Variants in ASIC2 observed in about 807,000 individuals in gnomAD.
The protein encoded by ASIC2 is acid-sensing ion channel 2.
In ASIC2, 25 loss-of-function variants were observed where a neutral mutation model predicts 57.3. The ratio of observed to expected loss-of-function variants is 0.44; its 90% CI spans 0.32 to 0.61. ASIC2 has a LOEUF of 0.61. Among genes scored for constraint, ASIC2 ranks in the 20% least tolerant of loss-of-function variants. The pLI is 0.06. For missense variants in ASIC2, 641 were observed against 738.1 expected, an observed-to-expected ratio of 0.87 and a Z score of 1.52; for synonymous variants, 319 against 307.5, an observed-to-expected ratio of 1.04 and a Z score of -0.39.
chr17:33,221,070 C>CA (rs1475136855), intron 1 of ASIC2, among the ~76,000 whole-genome samples: 10 of 151,540 alleles, frequency 6.6e-5, no homozygotes, highest in East Asian at 3.9e-4. Context: ...GAACTTGTCT[C>CA]AAAAAAAATA....
At chr17:33,102,547 G>A (rs866431451) in intron 2 of ASIC2, among the ~76,000 whole-genome samples, 1 of 152,002 alleles carries the variant, frequency 6.6e-6, no homozygotes, top group Admixed American at 6.6e-5. Flanking sequence ...TGTTATATTA[G>A]TCCTTTGACA....
chr17:34,110,670 G>A (rs1310499078), intron 1 of ASIC2, among the ~76,000 whole-genome samples: 2 of 152,194 alleles, frequency 1.3e-5, no homozygotes, highest in African/African-American at 2.4e-5. Context: ...CGGTTAGGAA[G>A]GCTTTGCAAT....
At chr17:34,083,511 G>T (rs1341316195) in intron 1 of ASIC2, among the ~76,000 whole-genome samples, 2 of 151,860 alleles carry the variant, frequency 1.3e-5, no homozygotes, top group African/African-American at 4.8e-5. Flanking sequence ...ATAGCAGCAT[G>T]ATTTATAGTC....
At chr17:34,113,076 C>G (rs2189330) in intron 1 of ASIC2, among the ~76,000 whole-genome samples, 122,184 of 152,032 alleles carry the variant, frequency 0.8, 49,835 homozygotes, top group African/African-American at 0.95. Context: ...ACAGTATCTT[C>G]ACTGTGGAAT....
intron 1 of ASIC2, among the ~76,000 whole-genome samples, chr17:33,331,594 T>G (rs1907313652): frequency 6.6e-6 from 1 of 152,244 alleles, no homozygotes; most frequent in Non-Finnish European, 1.5e-5. Flanking sequence ...GGGCCTGCAC[T>G]TCTGCACAGG....
chr17:33,455,601 C>G (rs907447250), intron 1 of ASIC2, among the ~76,000 whole-genome samples: 4 of 152,230 alleles, frequency 2.6e-5, no homozygotes, highest in African/African-American at 9.6e-5. Context: ...CATTGATGGG[C>G]ACCTAGTGTG....
intron 3 of ASIC2, among the ~76,000 whole-genome samples, chr17:33,080,613 TAAAC>T (rs991520060): frequency 6.6e-6 from 1 of 151,980 alleles, no homozygotes; most frequent in African/African-American, 2.4e-5. Context: ...CAGTAAGAGA[TAAAC>T]AAAAATAACT....
At chr17:33,322,333 A>C (rs1369832618) in intron 1 of ASIC2, among the ~76,000 whole-genome samples, 1 of 152,174 alleles carries the variant, frequency 6.6e-6, no homozygotes, top group Non-Finnish European at 1.5e-5. Flanking sequence ...AAATATTGCC[A>C]AAATCCAGCC....
At chr17:33,951,464 C>A (rs548983958) in intron 1 of ASIC2, among the ~76,000 whole-genome samples, 1 of 152,220 alleles carries the variant, frequency 6.6e-6, no homozygotes, top group African/African-American at 2.4e-5. Context: ...GCTCTGTGGC[C>A]AATTTCCATT....
chr17:33,520,864 T>C (rs1286687440), intron 1 of ASIC2, among the ~76,000 whole-genome samples: 1 of 152,144 alleles, frequency 6.6e-6, no homozygotes, highest in African/African-American at 2.4e-5. Flanking sequence ...AAATTGACAT[T>C]CAGGCCCTGG....
chr17:33,673,897 C>CTTTTTTTTTTTTTTTTTTTTTTTTTT (rs574986885), intron 1 of ASIC2, among the ~76,000 whole-genome samples: 3 of 141,134 alleles, frequency 2.1e-5, no homozygotes, highest in Admixed American at 7.0e-5. Flanking sequence ...GCATCCGTGT[C>CTTTTTTTTTTTTTTTTTTTTTTTTTT]TTTTTTTTTT....
At chr17:33,214,301 T>C (rs423022) in intron 1 of ASIC2, among the ~76,000 whole-genome samples, 106,475 of 151,760 alleles carry the variant, frequency 0.7, 37,621 homozygotes, top group Non-Finnish European at 0.75. Flanking sequence ...CTCCCCAAGA[T>C]GCTCCTCTTT....
chr17:33,412,854 AG>A (rs1408783851), intron 1 of ASIC2, among the ~76,000 whole-genome samples: 1 of 152,198 alleles, frequency 6.6e-6, no homozygotes, highest in East Asian at 1.9e-4. Context: ...AACTAGCAGT[AG>A]GTCAGGAACT....
intron 1 of ASIC2, among the ~76,000 whole-genome samples, chr17:33,113,644 G>A (rs1325585580): frequency 6.6e-6 from 1 of 152,166 alleles, no homozygotes; most frequent in Admixed American, 6.5e-5. Context: ...AAATCTTTAC[G>A]GCTAGTTAGA....
At chr17:33,661,056 C>G (rs1184979749) in intron 1 of ASIC2, among the ~76,000 whole-genome samples, 1 of 152,176 alleles carries the variant, frequency 6.6e-6, no homozygotes, top group Non-Finnish European at 1.5e-5. Flanking sequence ...CACGCTCTGA[C>G]TCTGTTTGAC....
chr17:34,101,798 T>C (rs1275397265), intron 1 of ASIC2, among the ~76,000 whole-genome samples: 1 of 152,150 alleles, frequency 6.6e-6, no homozygotes, highest in African/African-American at 2.4e-5. Context: ...GGAATGCATT[T>C]TATTACGGAA....
chr17:33,537,603 T>TCA (rs1456346695), intron 1 of ASIC2, among the ~76,000 whole-genome samples: 1 of 152,176 alleles, frequency 6.6e-6, no homozygotes, highest in Non-Finnish European at 1.5e-5. Flanking sequence ...TACCTGATCT[T>TCA]CAATATGACA....
chr17:33,184,478 G>A lies in ASIC2; in HGVS notation c.709-72411C>T, dbSNP rs566142463. Among the ~76,000 whole-genome samples the A allele has an allele frequency of 1.3e-4, 20 of 152,260 alleles. No individual in the cohort carries two copies. The South Asian group carries it at 4.1e-3, about 32-fold the overall frequency. On this transcript the variant is annotated intron_variant, in intron 1 of 9. Coordinates refer to ENST00000225823, the MANE Select transcript of ASIC2 (RefSeq NM_183377.2). ...TAAAACGGAACTTTCTCCATGACAT[G>A]TGGTCAGCTCCCAAATGTACCAGAC... is the stretch of plus-strand genomic sequence containing the variant.
intron 1 of ASIC2, among the ~76,000 whole-genome samples, chr17:33,698,602 C>T (rs1270905203): frequency 6.6e-6 from 1 of 152,092 alleles, no homozygotes; most frequent in Admixed American, 6.5e-5. Flanking sequence ...GTTCCCACTG[C>T]AAAACATCAC....
Sources: gnomAD v4.1 joint callset for allele counts (sites outside exome capture counted in the v4.1 genomes callset) on GRCh38, gnomAD v4.1.1 for gene constraint, MANE v1.5 for transcripts, NCBI Gene and HGNC (gene_info 2026-07-23, HGNC 2026-07-21) for gene names.